Variants in ARHGAP20 observed in about 807,000 individuals in gnomAD.
ARHGAP20 encodes Rho GTPase activating protein 20.
Under a neutral mutation model 73.7 loss-of-function variants are expected in ARHGAP20, and 34 were observed. The ratio of observed to expected loss-of-function variants is 0.46; its 90% CI spans 0.35 to 0.61. The LOEUF (loss-of-function observed/expected upper bound fraction) is 0.61. ARHGAP20 is among the 20% of genes least tolerant of loss of function. The probability of loss-of-function intolerance (pLI) is 0.00; values close to 1 mark genes in which losing one functional copy is unlikely to be tolerated. For missense variants in ARHGAP20, 1,314 were observed against 1,420.9 expected (o/e 0.92, Z 1.21); for synonymous variants, 523 against 518.2 (o/e 1.01, Z -0.13).
At position 110,614,616 on chromosome 11, in the gene ARHGAP20, T is replaced by C. The variant is rs781066148; in HGVS notation, c.575A>G (p.Tyr192Cys). The change falls in exon 6 of 15, where the codon TAC (tyrosine) becomes TGC (cysteine). Residue 192 changes from tyrosine to cysteine, a missense_variant. Transcript: ENST00000683387. ...GATTTTGAGGGGAATGCTCTTCGGG[T>C]AGTCCTTTTCTTTCTCTAGATTGAT... Reference protein sequence around the residue: ...RYINLEKEKDYPKSIPLKIFA... With the variant: ...RYINLEKEKDCPKSIPLKIFA... 6.2e-7 allele frequency: 1 copy of C among 1,612,772 alleles called. No individual in the cohort carries two copies. Among genetic ancestry groups the C allele is most frequent in the Non-Finnish European group, 8.5e-7 (1 of 1,179,398 alleles).
intron 2 of ARHGAP20, among the ~76,000 whole-genome samples, chr11:110,677,534 A>C (rs1338067809): frequency 6.6e-6 from 1 of 152,028 alleles, no homozygotes; most frequent in Non-Finnish European, 1.5e-5. Context: ...GGTCCTAGCT[A>C]CTCAGGAGGG....
intron 2 of ARHGAP20, among the ~76,000 whole-genome samples, chr11:110,648,394 G>C (rs1949273531): frequency 6.7e-6 from 1 of 149,864 alleles, no homozygotes; most frequent in Non-Finnish European, 1.5e-5. Context: ...CTGAATCCTT[G>C]ATAACTGAGG....
chr11:110,645,443 T>C (rs1949170598), intron 2 of ARHGAP20, among the ~76,000 whole-genome samples: 1 of 152,170 alleles, frequency 6.6e-6, no homozygotes, highest in Non-Finnish European at 1.5e-5. Context: ...CCAGGCAGAA[T>C]GGCTTTTGTT....
intron 10 of ARHGAP20, 150 bp from the exon 11 acceptor site, chr11:110,590,959 G>C: frequency 1.2e-6 from 1 of 852,782 alleles, no homozygotes; most frequent in South Asian, 2.1e-5. Context: ...AAAAATTAAA[G>C]TCACCTTTTT....
chr11:110,659,588 G>T (rs529543080), intron 2 of ARHGAP20, among the ~76,000 whole-genome samples: 13 of 149,660 alleles, frequency 8.7e-5, no homozygotes, highest in Admixed American at 2.0e-4. Context: ...GTCAATTTTG[G>T]CTTTTGTTGC....
chr11:110,587,535 G>A (rs114822031), intron 11 of ARHGAP20, among the ~76,000 whole-genome samples: 1 of 152,132 alleles, frequency 6.6e-6, no homozygotes, highest in South Asian at 2.1e-4. Flanking sequence ...TGATTATGTG[G>A]GCATCTTCCC....
chr11:110,694,662 A>C (rs1013881107), intron 1 of ARHGAP20, among the ~76,000 whole-genome samples: 15 of 151,776 alleles, frequency 9.9e-5, no homozygotes, highest in Admixed American at 3.9e-4. Context: ...CCTCAGTAGT[A>C]GCATTTCACA....
chr11:110,592,298 C>T (rs1318975943), intron 9 of ARHGAP20, 143 bp from the exon 10 acceptor site: 1 of 656,326 alleles, frequency 1.5e-6, no homozygotes, highest in Non-Finnish European at 2.4e-6. Flanking sequence ...GACAATTCAA[C>T]CTATAAAATT....
intron 2 of ARHGAP20, among the ~76,000 whole-genome samples, chr11:110,669,424 A>G (rs1949785706): frequency 6.6e-6 from 1 of 152,074 alleles, no homozygotes; most frequent in Admixed American, 6.5e-5. Context: ...ACCATACTGG[A>G]TAGCACAGAT....
chr11:110,628,992 C>G (rs932283736), intron 3 of ARHGAP20, among the ~76,000 whole-genome samples: 1 of 151,988 alleles, frequency 6.6e-6, no homozygotes, highest in African/African-American at 2.4e-5. Flanking sequence ...GGTAAAAAAA[C>G]AAAGGTCCTC....
At position 110,649,757 on chromosome 11, in the gene ARHGAP20, C is replaced by T. The variant is rs375476346; in HGVS notation, c.189-18965G>A. Among the ~76,000 whole-genome samples, 13 of 152,196 alleles carry T rather than the reference C, an allele frequency of 8.5e-5. No homozygotes were observed. The East Asian group carries it at 2.5e-3, about 29-fold the overall frequency. ...TATTGCAAAGCCAGACCTGGAAAAA[C>T]GGTTTCCTGAAGCTCAAAACAAGTA... On this transcript the variant is annotated intron_variant, in intron 2 of 14. Transcript: ENST00000683387.
chr11:110,582,565 G>T, intron 13 of ARHGAP20, 130 bp from the exon 14 acceptor site: 1 of 615,462 alleles, frequency 1.6e-6, no homozygotes, highest in East Asian at 2.9e-5. Flanking sequence ...GGCTTTAAAA[G>T]TACATTAAAC....
chr11:110,698,367 T>C (rs577241446), intron 1 of ARHGAP20, among the ~76,000 whole-genome samples: 1 of 151,996 alleles, frequency 6.6e-6, no homozygotes, highest in South Asian at 2.1e-4. Context: ...TCAGAGATAT[T>C]AGCCTATAGT....
In ARHGAP20 at chr11:110,606,676, G is replaced by C; in HGVS notation, c.849C>G (p.Asp283Glu). 1 of 1,605,326 alleles carries C rather than the reference G, an allele frequency of 6.2e-7. No homozygotes were observed. Among genetic ancestry groups the C allele is most frequent in the Non-Finnish European group, 8.5e-7 (1 of 1,177,406 alleles). The change falls in exon 9 of 15, where the codon GAC (aspartate) becomes GAG (glutamate). Residue 283 changes from aspartate to glutamate, a missense_variant. Transcript: ENST00000683387. ...DSALLTPGSKDSTTPFNLQEP... is the reference protein window; with the variant it reads ...DSALLTPGSKESTTPFNLQEP... ...CCTGGAGGTTGAAAGGGGTGGTAGA[G>C]TCCTTTGATCCCGGTGTCAGGAGTG...
At chr11:110,624,799 G>C (rs1418744118) in intron 3 of ARHGAP20, among the ~76,000 whole-genome samples, 1 of 152,052 alleles carries the variant, frequency 6.6e-6, no homozygotes, top group Non-Finnish European at 1.5e-5. Flanking sequence ...TTGAAACATT[G>C]GTGAAACAGT....
chr11:110,624,377 C>A, intron 3 of ARHGAP20, 66 bp from the exon 4 acceptor site: 1 of 1,328,586 alleles, frequency 7.5e-7, no homozygotes, highest in South Asian at 1.5e-5. Flanking sequence ...GGGAGCTTCT[C>A]TGGAAGGCAT....
At chr11:110,711,262 C>T (rs1164818833) in intron 1 of ARHGAP20, among the ~76,000 whole-genome samples, 6 of 152,180 alleles carry the variant, frequency 3.9e-5, no homozygotes, top group African/African-American at 1.4e-4. Flanking sequence ...ACCTGCATCC[C>T]TCTCCCAGCT....
In ARHGAP20 at chr11:110,615,068, C is replaced by T. The variant is rs1013610500; in HGVS notation, c.546-423G>A. ...GGTGTAAATCTTGGTTATCCTATAG[C>T]GTGGAGAGGGAGAGAGGACAGGAGG... On this transcript the variant is annotated intron_variant, in intron 5 of 14. Coordinates refer to ENST00000683387, the MANE Select transcript of ARHGAP20 (RefSeq NM_001384657.1). Among the ~76,000 whole-genome samples, 26 of 152,100 alleles carry T rather than the reference C, an allele frequency of 1.7e-4. 1 individual carries two copies. The highest frequency in any genetic ancestry group is 5.5e-4 in the African/African-American group (23 of 41,496).
At chr11:110,624,332 C>T in intron 3 of ARHGAP20, 21 bp from the exon 4 acceptor site, 1 of 1,508,120 alleles carries the variant, frequency 6.6e-7, no homozygotes. Flanking sequence ...AAAAACCAAA[C>T]AGAACCTTTT....
Sources: allele counts gnomAD v4.1 joint callset (sites outside exome capture counted in the v4.1 genomes callset), GRCh38; gene constraint gnomAD v4.1.1; transcripts MANE v1.5; gene names NCBI Gene and HGNC (gene_info 2026-07-23, HGNC 2026-07-21).